The following ACSL6 variants were observed in gnomAD, a reference collection of about 807,000 sequenced individuals.
ACSL6 encodes the protein long-chain-fatty-acid--CoA ligase 6.
In ACSL6, 47 loss-of-function variants were observed where a neutral mutation model predicts 98.2. The observed-to-expected ratio is 0.48, with a 90% confidence interval of 0.38 to 0.61. ACSL6 has a LOEUF of 0.61. ACSL6 is among the 20% of genes least tolerant of loss of function. The pLI is 0.00. For missense variants in ACSL6, 761 were observed against 913.4 expected (o/e 0.83, Z 2.15); for synonymous variants, 362 against 336.9 (o/e 1.07, Z -0.82).
At chr5:131,983,514 G>A (rs1487150780) in intron 9 of ACSL6, 1 of 152,244 alleles carries the variant, frequency 6.6e-6, no homozygotes, top group Non-Finnish European at 1.5e-5. Context: ...CTGGGAGCCA[G>A]GACATTTAGC....
intron 9 of ACSL6, among the ~76,000 whole-genome samples, chr5:131,979,375 T>C (rs1171067215): frequency 6.6e-6 from 1 of 152,232 alleles, no homozygotes; most frequent in African/African-American, 2.4e-5. Context: ...TGTTCATGCT[T>C]GAGAGAACTC....
At chr5:131,975,174 A>C in intron 10 of ACSL6, 1 of 1,390,580 alleles carries the variant, frequency 7.2e-7, no homozygotes, top group Non-Finnish European at 9.3e-7. Flanking sequence ...GGGAGGGGGA[A>C]GGTGCAGAAA....
intron 1 of ACSL6, among the ~76,000 whole-genome samples, chr5:132,000,818 G>A (rs1450695705): frequency 6.6e-6 from 1 of 152,176 alleles, no homozygotes; most frequent in Non-Finnish European, 1.5e-5. Flanking sequence ...AATGTCCCAG[G>A]ACAGGACCCA....
At chr5:131,971,894 A>C (rs1020115568) in intron 13 of ACSL6, among the ~76,000 whole-genome samples, 3 of 152,216 alleles carry the variant, frequency 2.0e-5, no homozygotes, top group African/African-American at 7.2e-5. Context: ...TTTTGAGATA[A>C]GTACCATCAG....
intron 9 of ACSL6, among the ~76,000 whole-genome samples, chr5:131,978,929 G>A (rs1753763001): frequency 2.0e-5 from 3 of 152,166 alleles, no homozygotes; most frequent in Admixed American, 1.3e-4. Flanking sequence ...ATTTTAACCT[G>A]CACTCTGGCA....
At chr5:131,994,003 G>T (rs748844993) in intron 2 of ACSL6, 28 bp downstream of exon 2, 2 of 1,605,476 alleles carry the variant, frequency 1.2e-6, no homozygotes, top group Non-Finnish European at 1.7e-6. Context: ...CCTACTTTCC[G>T]CAGTGGAACG....
chr5:132,005,680 G>A (rs1021406500), intron 1 of ACSL6, among the ~76,000 whole-genome samples: 13 of 152,240 alleles, frequency 8.5e-5, no homozygotes, highest in Admixed American at 2.0e-4. Context: ...ACAGGGGTGC[G>A]TGGGCAGGAG....
At chr5:131,960,670 G>C (rs979883890) in intron 18 of ACSL6, 49 bp from the exon 19 acceptor site, 5 of 1,404,352 alleles carry the variant, frequency 3.6e-6, no homozygotes, top group Admixed American at 4.2e-5. Flanking sequence ...TGCATTTAAA[G>C]TGGTTATTTG....
rs1328369441 is a variant in ACSL6, at chr5:131,952,563, A to G, written c.*1671T>C. ...AAATTAACACATGAATTGCATATGG[A>G]TTGTTGATATGCTTTTAGAGTCTTG... On this transcript the variant is annotated 3_prime_UTR_variant, in exon 21 of 21. Coordinates refer to ENST00000651883, the MANE Select transcript of ACSL6 (RefSeq NM_001009185.3). 2 of 214,336 alleles carry G rather than the reference A, an allele frequency of 9.3e-6. No individual in the cohort carries two copies. The highest frequency in any genetic ancestry group is 1.9e-5 in the Non-Finnish European group (2 of 106,272). 13.3% of individuals were successfully genotyped at this position (214,336 alleles called of 1,614,324 possible). A position where few individuals can be genotyped will look rare whatever the true frequency, so the allele number is the denominator to read the frequency against.
At chr5:131,975,191 A>G in intron 10 of ACSL6, 1 of 1,394,710 alleles carries the variant, frequency 7.2e-7, no homozygotes, top group Non-Finnish European at 9.3e-7. Flanking sequence ...GAAAGAAGAG[A>G]GAGACAGGGC....
At chr5:131,968,643 G>C (rs1215922363) in intron 15 of ACSL6, among the ~76,000 whole-genome samples, 2 of 152,150 alleles carry the variant, frequency 1.3e-5, no homozygotes, top group South Asian at 4.1e-4. Context: ...ATGAAAATAA[G>C]ACTCCAAATT....
At position 131,988,855 on chromosome 5, in the gene ACSL6, G is replaced by C. The variant is rs760733282; in HGVS notation, c.602C>G (p.Pro201Arg). 6.2e-7 allele frequency: 1 copy of C among 1,613,882 alleles called. No individual in the cohort carries two copies. ...CCCAGGGCCCAGGGTGTCATAGAGC[G>C]GGACCACCACCATGGAATATGTGTA... ...ACYTYSMVVV[P>R]LYDTLGPGAI... Residue 201 changes from proline (P) to arginine (R), a missense_variant, in exon 6 of 21, where the codon CCG becomes CGG. Physicochemically the swap from Pro to Arg is moderately radical, Grantham distance 103. Transcript: ENST00000651883.
At chr5:132,002,452 C>A (rs1025260919) in intron 1 of ACSL6, among the ~76,000 whole-genome samples, 2 of 152,122 alleles carry the variant, frequency 1.3e-5, no homozygotes, top group African/African-American at 2.4e-5. Context: ...GATGCGACCT[C>A]CTCCAGCTAG....
chr5:131,994,361 C>T (rs253944), intron 1 of ACSL6, 110 bp from the exon 2 acceptor site: 5 of 959,844 alleles, frequency 5.2e-6, no homozygotes, highest in Admixed American at 4.4e-5. Flanking sequence ...GGCAGGCCCT[C>T]GGGGAGTTGG....
intron 3 of ACSL6, among the ~76,000 whole-genome samples, chr5:131,990,486 G>A (rs1314627054): frequency 6.6e-6 from 1 of 152,148 alleles, no homozygotes; most frequent in Non-Finnish European, 1.5e-5. Flanking sequence ...CTGGGAGGAG[G>A]TGGTAGGCTG....
intron 10 of ACSL6, 133 bp downstream of exon 10, chr5:131,976,515 C>A (rs779276535): frequency 2.5e-6 from 2 of 799,200 alleles, no homozygotes; most frequent in South Asian, 1.8e-5. Flanking sequence ...GAAACTCCTG[C>A]CTGTGAATGG....
At chr5:131,977,978 A>G (rs527758531) in intron 9 of ACSL6, among the ~76,000 whole-genome samples, 1 of 152,350 alleles carries the variant, frequency 6.6e-6, no homozygotes, top group East Asian at 1.9e-4. Context: ...CCTAATCTCA[A>G]CCTAACACCC....
chr5:131,968,216 G>C, intron 15 of ACSL6, 188 bp from the exon 16 acceptor site: 1 of 548,718 alleles, frequency 1.8e-6, no homozygotes, highest in Non-Finnish European at 3.2e-6. Context: ...GAAAGCAAAG[G>C]CCAATCTCTG....
intron 1 of ACSL6, among the ~76,000 whole-genome samples, chr5:132,008,054 A>G (rs867055526): frequency 1.3e-4 from 20 of 152,322 alleles, no homozygotes; most frequent in South Asian, 1.2e-3. Flanking sequence ...CTTACCATAT[A>G]GGCTGGAGAG....
Sources: allele counts gnomAD v4.1 joint callset (sites outside exome capture counted in the v4.1 genomes callset), GRCh38; gene constraint gnomAD v4.1.1; transcripts MANE v1.5; gene names NCBI Gene and HGNC (gene_info 2026-07-23, HGNC 2026-07-21).